PID1: variants seen among roughly 807,000 people sequenced by gnomAD.
PID1 encodes the protein PTB-containing, cubilin and LRP1-interacting protein.
Under a neutral mutation model 19.1 loss-of-function variants are expected in PID1, and 10 were observed. The observed-to-expected ratio is 0.52, with a 90% CI of 0.32 to 0.89. The LOEUF is 0.89. Among genes scored for constraint, PID1 ranks in the 40% least tolerant of loss-of-function variants. The probability of loss-of-function intolerance (pLI) is 0.03; values close to 1 mark genes in which losing one functional copy is unlikely to be tolerated. For missense variants in PID1, 248 were observed against 285.3 expected, an observed-to-expected ratio of 0.87 and a Z score of 0.94; for synonymous variants, 130 against 116.0, an observed-to-expected ratio of 1.12 and a Z score of -0.78.
At chr2:229,054,920 T>G (rs1694068909) in intron 2 of PID1, among the ~76,000 whole-genome samples, 1 of 152,164 alleles carries the variant, frequency 6.6e-6, no homozygotes, top group South Asian at 2.1e-4. Flanking sequence ...GGATTTTGTC[T>G]TTTTCTGAAA....
chr2:229,194,221 G>GT (rs1472051724), intron 1 of PID1, among the ~76,000 whole-genome samples: 2 of 151,992 alleles, frequency 1.3e-5, no homozygotes, highest in Non-Finnish European at 2.9e-5. Context: ...AAAATGCACA[G>GT]TTAAAAAACC....
intron 2 of PID1, among the ~76,000 whole-genome samples, chr2:229,041,753 A>T (rs892937887): frequency 6.6e-5 from 10 of 152,188 alleles, no homozygotes; most frequent in Admixed American, 3.9e-4. Flanking sequence ...ATTCAACATT[A>T]CTTCCATTAC....
chr2:229,082,317 T>C (rs144524757), intron 2 of PID1, among the ~76,000 whole-genome samples: 102 of 152,350 alleles, frequency 6.7e-4, no homozygotes, highest in South Asian at 2.3e-3. Context: ...TTGGTATTTC[T>C]TCTCTCCCAC....
chr2:229,109,336 G>A (rs945386609), intron 2 of PID1, among the ~76,000 whole-genome samples: 1 of 152,108 alleles, frequency 6.6e-6, no homozygotes, highest in African/African-American at 2.4e-5. Flanking sequence ...CTGTGTTCAT[G>A]GCAAGGAGTC....
intron 2 of PID1, among the ~76,000 whole-genome samples, chr2:229,057,836 G>A (rs767740003): frequency 3.9e-5 from 6 of 152,112 alleles, no homozygotes; most frequent in Non-Finnish European, 5.9e-5. Context: ...CAAAGATAAT[G>A]GACACAGCAT....
At chr2:229,218,674 T>C (rs894175335) in intron 1 of PID1, among the ~76,000 whole-genome samples, 2 of 152,164 alleles carry the variant, frequency 1.3e-5, no homozygotes, top group African/African-American at 4.8e-5. Context: ...AGATTCCATA[T>C]ACAGAGTCCA....
chr2:229,108,951 T>C (rs1253470725), intron 2 of PID1, among the ~76,000 whole-genome samples: 1 of 152,196 alleles, frequency 6.6e-6, no homozygotes, highest in African/African-American at 2.4e-5. Context: ...GGGATACTTC[T>C]AAAAGGCAAA....
intron 1 of PID1, among the ~76,000 whole-genome samples, chr2:229,183,757 T>C (rs948022135): frequency 1.3e-5 from 2 of 151,786 alleles, no homozygotes; most frequent in African/African-American, 4.8e-5. Flanking sequence ...ACCACATCAC[T>C]GGCTATCCTG....
intron 2 of PID1, among the ~76,000 whole-genome samples, chr2:229,107,437 T>G (rs542353002): frequency 1.3e-5 from 2 of 148,526 alleles, no homozygotes; most frequent in East Asian, 4.0e-4. Context: ...AATTGCCAGC[T>G]CCTCTCAGTA....
chr2:229,093,381 C>A (rs1347500031), intron 2 of PID1, among the ~76,000 whole-genome samples: 1 of 152,060 alleles, frequency 6.6e-6, no homozygotes, highest in Non-Finnish European at 1.5e-5. Flanking sequence ...ACCTCGGCCT[C>A]CCCAAGTGCT....
chr2:229,241,806 T>C (rs539911142), intron 1 of PID1, among the ~76,000 whole-genome samples: 84 of 152,226 alleles, frequency 5.5e-4, no homozygotes, highest in Admixed American at 5.2e-3. Context: ...CTTACAAAAG[T>C]TACCTTTTTT....
intron 2 of PID1, among the ~76,000 whole-genome samples, chr2:229,030,003 G>A (rs915439589): frequency 6.6e-6 from 1 of 152,136 alleles, no homozygotes; most frequent in African/African-American, 2.4e-5. Flanking sequence ...AAATCCAAGT[G>A]TCCGTTGATA....
rs367543514 is a variant in PID1 at position 229,206,939 on chromosome 2, C to T, written c.31-50975G>A. On this transcript the variant is annotated intron_variant, in intron 1 of 2. Transcript: ENST00000392055. ...GTAGGTCTGGGGTGACGCTTAATAGCTTACATTTCTATCAGGCTCCCAGGT... is the reference window on the plus strand; with the variant it reads ...GTAGGTCTGGGGTGACGCTTAATAGTTTACATTTCTATCAGGCTCCCAGGT... Among the ~76,000 whole-genome samples, 4 of 152,248 alleles carry T rather than the reference C, an allele frequency of 2.6e-5. No individual in the cohort carries two copies. In the East Asian group the frequency reaches 5.8e-4, roughly 22 times the overall value.
At chr2:229,252,608 C>T (rs1478112781) in intron 1 of PID1, among the ~76,000 whole-genome samples, 6 of 152,150 alleles carry the variant, frequency 3.9e-5, no homozygotes, top group African/African-American at 1.4e-4. Flanking sequence ...AGAGAGGAGA[C>T]ATAAATTAGT....
chr2:229,136,988 G>T (rs1047025365), intron 2 of PID1, among the ~76,000 whole-genome samples: 2 of 152,188 alleles, frequency 1.3e-5, no homozygotes, highest in Non-Finnish European at 2.9e-5. Flanking sequence ...AGGCAAGGGG[G>T]TATTTCCTAC....
chr2:229,214,103 C>T (rs1691794233), intron 1 of PID1, among the ~76,000 whole-genome samples: 1 of 152,114 alleles, frequency 6.6e-6, no homozygotes, highest in African/African-American at 2.4e-5. Flanking sequence ...GGACTGTGTT[C>T]CAGATTCCCT....
At chr2:229,202,215 C>T (rs924349825) in intron 1 of PID1, among the ~76,000 whole-genome samples, 12 of 152,056 alleles carry the variant, frequency 7.9e-5, no homozygotes, top group Middle Eastern at 3.4e-3. Context: ...TAACAAAACA[C>T]GTCTGAAGAA....
intron 1 of PID1, among the ~76,000 whole-genome samples, chr2:229,253,673 T>TA (rs1441551113): frequency 1.3e-5 from 2 of 151,822 alleles, no homozygotes; most frequent in Non-Finnish European, 2.9e-5. Context: ...GGTACCCATA[T>TA]ACAAGGACAC....
chr2:229,126,814 T>C (rs1011468752), intron 2 of PID1, among the ~76,000 whole-genome samples: 2 of 152,230 alleles, frequency 1.3e-5, no homozygotes, highest in East Asian at 3.9e-4. Flanking sequence ...TATTTCATTG[T>C]TTTATTAGTC....
Sources: gnomAD v4.1 joint callset for allele counts (sites outside exome capture counted in the v4.1 genomes callset) on GRCh38, gnomAD v4.1.1 for gene constraint, MANE v1.5 for transcripts, NCBI Gene and HGNC (gene_info 2026-07-23, HGNC 2026-07-21) for gene names.